The following ING3 variants were observed in gnomAD, a reference collection of about 807,000 sequenced individuals.
ING3 encodes inhibitor of growth protein 3.
In ING3, 6 loss-of-function variants were observed where a neutral mutation model predicts 64.8. That is an observed-to-expected ratio of 0.09 (90% CI 0.05 to 0.18). The LOEUF (loss-of-function observed/expected upper bound fraction) is 0.18. Ranked by LOEUF, ING3 falls within the 10% of genes least tolerant of loss-of-function variation. ING3 has a pLI of 1.00. For missense variants in ING3, 310 were observed against 489.7 expected, an observed-to-expected ratio of 0.63 and a Z score of 3.46; for synonymous variants, 170 against 173.7, an observed-to-expected ratio of 0.98 and a Z score of 0.17.
chr7:120,956,141 CA>C (rs768542683), intron 4 of ING3: 12 of 1,563,320 alleles, frequency 7.7e-6, no homozygotes, highest in Non-Finnish European at 1.1e-5. Flanking sequence ...AAACTTTAAA[CA>C]AGATTCTTTT....
At chr7:120,957,040 A>G in intron 4 of ING3, 1 of 247,542 alleles carries the variant, frequency 4.0e-6, no homozygotes, top group Non-Finnish European at 6.4e-6. Context: ...CTGTGCCTGA[A>G]AAAAGGGAGC....
chr7:120,974,282 C>G (rs1215975711), intron 11 of ING3, among the ~76,000 whole-genome samples: 5 of 152,024 alleles, frequency 3.3e-5, no homozygotes, highest in African/African-American at 1.2e-4. Flanking sequence ...ATAGAAACAC[C>G]CACGTAGGAA....
chr7:120,972,194 AG>A (rs1444527506), intron 10 of ING3, among the ~76,000 whole-genome samples: 1 of 152,040 alleles, frequency 6.6e-6, no homozygotes, highest in African/African-American at 2.4e-5. Context: ...TATACTTAGA[AG>A]GGCTTTCTCT....
chr7:120,970,240 C>T (rs952697186), intron 9 of ING3, among the ~76,000 whole-genome samples: 2 of 152,006 alleles, frequency 1.3e-5, no homozygotes, highest in African/African-American at 4.8e-5. Flanking sequence ...CCGAGGTGGG[C>T]AGATCACGAG....
chr7:120,966,824 A>C, intron 6 of ING3, 127 bp downstream of exon 6: 1 of 706,294 alleles, frequency 1.4e-6, no homozygotes, highest in Non-Finnish European at 2.5e-6. Context: ...TTTTCATTGC[A>C]AGTACTGGCA....
At chr7:120,954,844 T>C (rs1011199191) in intron 3 of ING3, among the ~76,000 whole-genome samples, 1 of 152,228 alleles carries the variant, frequency 6.6e-6, no homozygotes, top group African/African-American at 2.4e-5. Flanking sequence ...ATAGAACAAC[T>C]GGAAAATGGG....
chr7:120,965,970 CCTCT>C lies in ING3; in HGVS notation c.365-653_365-650del, dbSNP rs754151064. Among the ~76,000 whole-genome samples the C allele has an allele frequency of 2.0e-3, 298 of 152,192 alleles. 1 individual carries two copies. Among genetic ancestry groups the C allele is most frequent in the Non-Finnish European group, 3.0e-3 (201 of 67,982 alleles). On this transcript the variant is annotated intron_variant, in intron 5 of 11. Transcript: ENST00000315870. ...TACTGCAGGAAGGTTAATAAAGCAT[CCTCT>C]CTAAGGACACAGACATATGAAACAA...
Position 120,970,779 on chromosome 7 carries a change from G to A in ING3, c.1000G>A (p.Glu334Lys), listed in dbSNP as rs1188075254. 1 of 1,613,766 alleles carries A rather than the reference G, an allele frequency of 6.2e-7. No homozygotes were observed. The highest frequency in any genetic ancestry group is 1.7e-5 in the Admixed American group (1 of 60,016). ...SCSSSSTVVQ[E>K]ISQQTTVVPE... is the part of the protein sequence containing the mutation. ...TTCTTCATCATCAACTGTTGTACAA[G>A]AAATCTCTCAACAAACAACTGTAGT... The change falls in exon 10 of 12, where the codon GAA becomes AAA. Residue 334 changes from glutamate (E) to lysine (K), a missense_variant. Glu to Lys is a moderately conservative substitution (Grantham distance 56). Coordinates refer to ENST00000315870, the MANE Select transcript of ING3 (RefSeq NM_019071.3).
At position 120,976,493 on chromosome 7, in the gene ING3, T is replaced by C. The variant is rs1796136888; in HGVS notation, c.*1649T>C. ...TGTGAGTACTCATCATTTCATAATA[T>C]CATGATTATCACGATTTCATGATAC... On this transcript the variant is annotated 3_prime_UTR_variant, in exon 12 of 12. Transcript: ENST00000315870. 1 of 152,142 alleles carries C rather than the reference T, an allele frequency of 6.6e-6. No homozygotes were observed. Among genetic ancestry groups the C allele is most frequent in the Admixed American group, 6.6e-5 (1 of 15,262 alleles). 9.4% of individuals were successfully genotyped at this position (152,142 alleles called of 1,614,324 possible). A position where few individuals can be genotyped will look rare whatever the true frequency, so the allele number is the denominator to read the frequency against.
At position 120,974,931 on chromosome 7, in the gene ING3, C is replaced by G; in HGVS notation, c.*87C>G. On this transcript the variant is annotated 3_prime_UTR_variant, in exon 12 of 12. Transcript: ENST00000315870. Reference sequence around the variant, plus strand: ...AAAAGAAGAGAAGAGAAAGAAGAAACAATGCATTTCCAGGCAACCACTTAA... The same window carrying G: ...AAAAGAAGAGAAGAGAAAGAAGAAAGAATGCATTTCCAGGCAACCACTTAA... The G allele has an allele frequency of 1.1e-6, 1 of 939,146 alleles. No individual in the cohort carries two copies. Among genetic ancestry groups the G allele is most frequent in the Non-Finnish European group, 1.6e-6 (1 of 624,232 alleles). 58.2% of individuals were successfully genotyped at this position (939,146 alleles called of 1,614,324 possible).
At chr7:120,968,116 A>G (rs1227889689) in intron 8 of ING3, 25 bp downstream of exon 8, 1 of 1,595,812 alleles carries the variant, frequency 6.3e-7, no homozygotes, top group Non-Finnish European at 8.5e-7. Context: ...GTTTAGAGAC[A>G]AAATGTTACA....
rs570474237 is a variant in ING3, at chr7:120,963,899, G to A, written c.268-843G>A. On this transcript the variant is annotated intron_variant, in intron 4 of 11. Transcript: ENST00000315870. ...CCAGTGGGAAACTAGACTTAGAAAA[G>A]GATGTTATCAATAATGTGACATGAA... Among the ~76,000 whole-genome samples the A allele has an allele frequency of 2.6e-5, 4 of 152,186 alleles. No homozygotes were observed. The East Asian group carries it at 5.8e-4, about 22-fold the overall frequency.
chr7:120,963,835 G>C (rs1795964748), intron 4 of ING3, among the ~76,000 whole-genome samples: 2 of 152,088 alleles, frequency 1.3e-5, no homozygotes, highest in Non-Finnish European at 2.9e-5. Flanking sequence ...AGCACATGTT[G>C]ATATCTGTAA....
chr7:120,950,906 C>T lies in ING3; in HGVS notation c.10C>T (p.Leu4=). MLY[L]EDYLEMIEQL... is the part of the protein sequence containing the mutation. ...AGCTCTAAGGGCCGCGATGTTGTACCTAGAAGACTATCTGGAAAGTGAGTG... is the reference window on the plus strand; with the variant it reads ...AGCTCTAAGGGCCGCGATGTTGTACTTAGAAGACTATCTGGAAAGTGAGTG... The change falls in exon 1 of 12, where the codon CTA becomes TTA. Residue 4 remains leucine (L), a synonymous_variant. Transcript: ENST00000315870. 6.2e-7 allele frequency: 1 copy of T among 1,613,630 alleles called. No homozygotes were observed. The highest frequency in any genetic ancestry group is 8.5e-7 in the Non-Finnish European group (1 of 1,179,778).
chr7:120,977,007 C>T lies in ING3; in HGVS notation c.*2163C>T, dbSNP rs1796143222. The T allele has an allele frequency of 6.6e-6, 1 of 152,116 alleles. No homozygotes were observed. Among genetic ancestry groups the T allele is most frequent in the South Asian group, 2.1e-4 (1 of 4,832 alleles). 9.4% of individuals were successfully genotyped at this position (152,116 alleles called of 1,614,324 possible). On this transcript the variant is annotated 3_prime_UTR_variant, in exon 12 of 12. Transcript: ENST00000315870. ...TTAATATTCTTTGTGACATTTACAC[C>T]AAGGGGCATAGTAAGTATTTTTGGT...
rs1221720046 is a variant in ING3 at position 120,976,427 on chromosome 7, T to TTAA, written c.*1585_*1586insATA. The TTAA allele has an allele frequency of 6.6e-6, 1 of 152,142 alleles. No homozygotes were observed. The highest frequency in any genetic ancestry group is 1.9e-4 in the East Asian group (1 of 5,180). 9.4% of individuals were successfully genotyped at this position (152,142 alleles called of 1,614,324 possible). A position where few individuals can be genotyped will look rare whatever the true frequency, so the allele number is the denominator to read the frequency against. On this transcript the variant is annotated 3_prime_UTR_variant, in exon 12 of 12. Coordinates refer to ENST00000315870, the MANE Select transcript of ING3 (RefSeq NM_019071.3). ...ATGATTCTGAGCTGCCACAGTCTGA[T>TTAA]TATACAACTCTACCAGCTCCCTAAA...
Position 120,975,318 on chromosome 7 carries a change from T to G in ING3, c.*474T>G, listed in dbSNP as rs952900270. On this transcript the variant is annotated 3_prime_UTR_variant, in exon 12 of 12. Transcript: ENST00000315870. ...CAGTGCTTCTAAAAAGAATTTAAGATAATGGTTTTTAAAATGCCTTTATAA... is the reference window on the plus strand; with the variant it reads ...CAGTGCTTCTAAAAAGAATTTAAGAGAATGGTTTTTAAAATGCCTTTATAA... The G allele has an allele frequency of 1.3e-5, 2 of 151,832 alleles. No homozygotes were observed. The highest frequency in any genetic ancestry group is 4.8e-5 in the African/African-American group (2 of 41,310). 9.4% of individuals were successfully genotyped at this position (151,832 alleles called of 1,614,324 possible).
At chr7:120,952,583 G>A (rs569421432) in intron 2 of ING3, among the ~76,000 whole-genome samples, 2 of 152,210 alleles carry the variant, frequency 1.3e-5, no homozygotes, top group Non-Finnish European at 2.9e-5. Flanking sequence ...AGAACTGTGT[G>A]CCAAATAAAT....
intron 4 of ING3, among the ~76,000 whole-genome samples, chr7:120,960,773 A>G (rs1258357762): frequency 1.3e-5 from 2 of 152,316 alleles, no homozygotes; most frequent in East Asian, 3.9e-4. Context: ...AACACACACA[A>G]AAATCTATCC....
Sources: gnomAD v4.1 joint callset for allele counts (sites outside exome capture counted in the v4.1 genomes callset) on GRCh38, gnomAD v4.1.1 for gene constraint, MANE v1.5 for transcripts, NCBI Gene and HGNC (gene_info 2026-07-23, HGNC 2026-07-21) for gene names.